The following CFAP97 variants were observed in gnomAD, a reference collection of about 807,000 sequenced individuals.
CFAP97 encodes the protein cilia and flagella associated protein 97.
In CFAP97, 36 loss-of-function variants were observed where a neutral mutation model predicts 43.1. The observed-to-expected ratio is 0.84, with a 90% CI of 0.64 to 1.10. The LOEUF (loss-of-function observed/expected upper bound fraction) is 1.10. Ranked by LOEUF, CFAP97 falls within the 50% of genes least tolerant of loss-of-function variation. The pLI is 0.00. For synonymous variants in CFAP97, 228 were observed against 225.7 expected, an observed-to-expected ratio of 1.01 and a Z score of -0.09; for missense variants, 657 against 620.3, an observed-to-expected ratio of 1.06 and a Z score of -0.63.
intron 1 of CFAP97, among the ~76,000 whole-genome samples, chr4:185,195,541 C>G (rs1579264560): frequency 6.6e-6 from 1 of 152,048 alleles, no homozygotes; most frequent in Admixed American, 6.6e-5. Flanking sequence ...AAAACATATA[C>G]AAAACAATGC....
At chr4:185,185,524 C>G (rs1031784976) in intron 2 of CFAP97, among the ~76,000 whole-genome samples, 3 of 151,548 alleles carry the variant, frequency 2.0e-5, no homozygotes, top group African/African-American at 4.9e-5. Context: ...TTTAGGTAAA[C>G]TTGTATCTGC....
chr4:185,164,904 A>G (rs561605960), intron 3 of CFAP97, among the ~76,000 whole-genome samples: 1 of 152,338 alleles, frequency 6.6e-6, no homozygotes, highest in East Asian at 1.9e-4. Context: ...GATTCTCCAC[A>G]TGTACATTGC....
rs935619944 is a variant in CFAP97, at chr4:185,190,863, T to C, written c.334A>G (p.Ile112Val). The part of the protein sequence containing the change: ...KLCDVTTGLK[I>V]HVSIPNRIPK... ...ATTCTATTTGGAATGGACACGTGTA[T>C]TTTAAGTCCTGTTGTAACATCACAC... Residue 112 changes from isoleucine (I) to valine (V), a missense_variant, in exon 2 of 5, where the codon ATA becomes GTA. Coordinates refer to ENST00000458385, the MANE Select transcript of CFAP97 (RefSeq NM_020827.3). 1 of 1,612,052 alleles carries C rather than the reference T, an allele frequency of 6.2e-7. No homozygotes were observed.
intron 2 of CFAP97, among the ~76,000 whole-genome samples, chr4:185,181,762 T>C (rs1735800163): frequency 6.6e-6 from 1 of 152,250 alleles, no homozygotes; most frequent in Non-Finnish European, 1.5e-5. Context: ...TCTTAAATGT[T>C]TGGCAATACT....
chr4:185,209,764 G>T (rs1737446147), upstream of CFAP97: 1 of 983,950 alleles, frequency 1.0e-6, no homozygotes, highest in African/African-American at 1.8e-5. The surrounding 1 kb of genome is among the most constrained non-coding windows in gnomAD (Gnocchi z 5.2). Flanking sequence ...CCCTGCCTCC[G>T]GAGCGCCGGC....
chr4:185,201,709 T>C (rs1463414499), intron 1 of CFAP97, among the ~76,000 whole-genome samples: 1 of 152,232 alleles, frequency 6.6e-6, no homozygotes, highest in Non-Finnish European at 1.5e-5. Context: ...AAAAAATTCA[T>C]GTGACTCGCT....
chr4:185,182,074 T>C (rs1022966195), intron 2 of CFAP97: 3 of 152,216 alleles, frequency 2.0e-5, no homozygotes, highest in African/African-American at 7.2e-5. Flanking sequence ...ATAGTTTATA[T>C]AGTAGATTTT....
At chr4:185,202,410 G>A (rs537399960) in intron 1 of CFAP97, among the ~76,000 whole-genome samples, 4 of 152,140 alleles carry the variant, frequency 2.6e-5, no homozygotes, top group Non-Finnish European at 5.9e-5. Flanking sequence ...TTAGCCGGGC[G>A]TTGTAGCTCT....
intron 3 of CFAP97, among the ~76,000 whole-genome samples, chr4:185,170,637 C>G (rs187297176): frequency 6.6e-6 from 1 of 151,624 alleles, no homozygotes; most frequent in African/African-American, 2.4e-5. Flanking sequence ...TGGTCTCCAA[C>G]TCCTGACCTC....
chr4:185,197,124 G>C (rs1199358510), intron 1 of CFAP97, among the ~76,000 whole-genome samples: 4 of 88,012 alleles, frequency 4.5e-5, no homozygotes, highest in African/African-American at 1.9e-4. Flanking sequence ...AAAAAAAAAA[G>C]ACATGTAGCT....
rs1734808953 is a variant in CFAP97 at position 185,159,688 on chromosome 4, T to C, written c.*3110A>G. The C allele has an allele frequency of 6.6e-6, 1 of 152,226 alleles. No individual in the cohort carries two copies. Among genetic ancestry groups the C allele is most frequent in the South Asian group, 2.1e-4 (1 of 4,828 alleles). 9.4% of individuals were successfully genotyped at this position (152,226 alleles called of 1,614,324 possible). On this transcript the variant is annotated 3_prime_UTR_variant, in exon 5 of 5. Coordinates refer to ENST00000458385, the MANE Select transcript of CFAP97 (RefSeq NM_020827.3). ...AGTTATCTTTAATTCTTTTATTTCT[T>C]TCTTCATTATGCCAGGCTAGTTCTA...
At chr4:185,163,387 C>T (rs559158360) in intron 4 of CFAP97, among the ~76,000 whole-genome samples, 34 of 151,956 alleles carry the variant, frequency 2.2e-4, no homozygotes, top group Non-Finnish European at 3.5e-4. Context: ...TGGCATCGGG[C>T]GGTTTGGTAT....
At chr4:185,170,999 A>G (rs1299828674) in intron 3 of CFAP97, among the ~76,000 whole-genome samples, 1 of 150,752 alleles carries the variant, frequency 6.6e-6, no homozygotes, top group Non-Finnish European at 1.5e-5. Context: ...AAAAAAAAAA[A>G]AAAAAAAAAA....
In CFAP97 at chr4:185,160,909, T is replaced by C. The variant is rs1159483486; in HGVS notation, c.*1889A>G. The C allele has an allele frequency of 6.8e-6, 1 of 147,062 alleles. No individual in the cohort carries two copies. Among genetic ancestry groups the C allele is most frequent in the Non-Finnish European group, 1.5e-5 (1 of 66,610 alleles). 9.1% of individuals were successfully genotyped at this position (147,062 alleles called of 1,614,324 possible). On this transcript the variant is annotated 3_prime_UTR_variant, in exon 5 of 5. Coordinates refer to ENST00000458385, the MANE Select transcript of CFAP97 (RefSeq NM_020827.3). ...ATTTATAAAAAAGATTTTTTATATA[T>C]ATAAAAAGATTATATATATAAAACA...
At chr4:185,172,770 T>G (rs369717943) in intron 3 of CFAP97, among the ~76,000 whole-genome samples, 5 of 150,788 alleles carry the variant, frequency 3.3e-5, no homozygotes, top group African/African-American at 1.2e-4. Flanking sequence ...TCCCAGCACT[T>G]TAGGAGGCTA....
chr4:185,201,896 C>A (rs1427434489), intron 1 of CFAP97, among the ~76,000 whole-genome samples: 1 of 152,202 alleles, frequency 6.6e-6, no homozygotes, highest in Non-Finnish European at 1.5e-5. Context: ...CGTATAGAAA[C>A]TTTCTGGCCT....
intron 3 of CFAP97, chr4:185,170,279 G>C (rs1190634643): frequency 3.0e-6 from 2 of 657,944 alleles, no homozygotes; most frequent in Non-Finnish European, 5.5e-6. Context: ...CCAGGAGATG[G>C]AGGCTGCAAG....
chr4:185,173,817 T>C (rs1225836479), intron 3 of CFAP97, among the ~76,000 whole-genome samples: 3 of 152,310 alleles, frequency 2.0e-5, no homozygotes, highest in African/African-American at 4.8e-5. Context: ...TAGTGACAGT[T>C]GTACAACACT....
At position 185,196,634 on chromosome 4, in the gene CFAP97, A is replaced by G. The variant is rs562964713; in HGVS notation, c.-16-5422T>C. On this transcript the variant is annotated intron_variant, in intron 1 of 4. Transcript: ENST00000458385. ...GAAATGCCACTGATCTATGGAGATA[A>G]AAAGCTTTCATCAAAAGGTAATGTA... Among the ~76,000 whole-genome samples the G allele has an allele frequency of 2.0e-5, 3 of 152,302 alleles. No individual in the cohort carries two copies. The East Asian group carries it at 5.8e-4, about 29-fold the overall frequency.
Sources: allele counts gnomAD v4.1 joint callset (sites outside exome capture counted in the v4.1 genomes callset), GRCh38; gene constraint gnomAD v4.1.1; non-coding constraint Gnocchi (gnomAD v3.1); transcripts MANE v1.5; gene names NCBI Gene and HGNC (gene_info 2026-07-23, HGNC 2026-07-21).